The following ACTR3C variants were observed in gnomAD, a reference collection of about 807,000 sequenced individuals.
ACTR3C encodes the protein actin-related protein 3C.
In ACTR3C, 18 loss-of-function variants were observed where a neutral mutation model predicts 26.3. The ratio of observed to expected loss-of-function variants is 0.68; its 90% CI spans 0.47 to 1.01. The LOEUF (loss-of-function observed/expected upper bound fraction) is 1.01. ACTR3C is among the 50% of genes least tolerant of loss of function. ACTR3C has a pLI of 0.00. For synonymous variants in ACTR3C, 55 were observed against 94.5 expected, an observed-to-expected ratio of 0.58 and a Z score of 2.42; for missense variants, 184 against 250.7, an observed-to-expected ratio of 0.73 and a Z score of 1.80.
chr7:149,913,052 T>G, the ACTR3C span, among the ~76,000 whole-genome samples: 6 of 152,280 alleles, frequency 3.9e-5, no homozygotes, highest in East Asian at 1.2e-3. Context: ...AAAATTTTAA[T>G]AAAATCTGCA....
At chr7:149,928,743 TG>T in the ACTR3C span, among the ~76,000 whole-genome samples, 126 of 151,504 alleles carry the variant, frequency 8.3e-4, 1 homozygote, top group Non-Finnish European at 1.7e-3. Flanking sequence ...CTCAGGAGGC[TG>T]GGGCAGGAGA....
chr7:150,034,377 A>G, the ACTR3C span, among the ~76,000 whole-genome samples: 297 of 151,790 alleles, frequency 2.0e-3, 3 homozygotes, highest in African/African-American at 6.7e-3. Flanking sequence ...AGGCTTTGTC[A>G]GATCGGGTAG....
intron 3 of ACTR3C, among the ~76,000 whole-genome samples, chr7:150,292,049 A>G (rs1836309853): frequency 6.7e-6 from 1 of 150,294 alleles, no homozygotes; most frequent in African/African-American, 2.5e-5. Context: ...AGGCATTGGT[A>G]TTAGTACATC....
chr7:150,025,966 G>C, the ACTR3C span, among the ~76,000 whole-genome samples: 1 of 152,130 alleles, frequency 6.6e-6, no homozygotes, highest in African/African-American at 2.4e-5. Context: ...CGCTGACTGC[G>C]AGGCCTTCGG....
chr7:150,107,143 C>T, the ACTR3C span, among the ~76,000 whole-genome samples: 12 of 145,524 alleles, frequency 8.2e-5, no homozygotes, highest in South Asian at 2.3e-3. Context: ...TGGGTTCAAA[C>T]AGTAACCAGC....
the ACTR3C span, among the ~76,000 whole-genome samples, chr7:149,965,510 G>A: frequency 6.8e-6 from 1 of 147,840 alleles, no homozygotes; most frequent in Non-Finnish European, 1.5e-5. Flanking sequence ...AGCAATGAGG[G>A]CCTCTGACAT....
At chr7:150,263,485 CAG>C (rs10659339) in intron 6 of ACTR3C, among the ~76,000 whole-genome samples, 2 of 132,674 alleles carry the variant, frequency 1.5e-5, no homozygotes, top group Non-Finnish European at 3.2e-5. Context: ...GGTAAAGAAA[CAG>C]AGGATTAAGT....
At chr7:149,984,352 C>A in the ACTR3C span, among the ~76,000 whole-genome samples, 1 of 152,008 alleles carries the variant, frequency 6.6e-6, no homozygotes, top group Admixed American at 6.6e-5. Context: ...TACAGGCATG[C>A]GCCACCACAC....
At chr7:150,111,622 TCA>T in the ACTR3C span, among the ~76,000 whole-genome samples, 1 of 99,938 alleles carries the variant, frequency 1.0e-5, no homozygotes, top group East Asian at 2.5e-4. Context: ...ACCCACCCAC[TCA>T]CAGTCACACC....
At chr7:150,168,037 T>A in the ACTR3C span, among the ~76,000 whole-genome samples, 36 of 150,664 alleles carry the variant, frequency 2.4e-4, no homozygotes, top group Non-Finnish European at 4.9e-4. Flanking sequence ...ATTGTGAAGG[T>A]GAAGAATTTT....
At chr7:149,918,096 T>C in the ACTR3C span, among the ~76,000 whole-genome samples, 2 of 152,106 alleles carry the variant, frequency 1.3e-5, no homozygotes, top group African/African-American at 4.8e-5. Flanking sequence ...TATATAAAGT[T>C]CAAACTTAAA....
the ACTR3C span, among the ~76,000 whole-genome samples, chr7:150,108,172 C>A: frequency 2.0e-5 from 3 of 150,190 alleles, no homozygotes; most frequent in African/African-American, 7.4e-5. Context: ...ATGGAGGATG[C>A]AAGTGATGGC....
At chr7:150,207,135 A>G in the ACTR3C span, among the ~76,000 whole-genome samples, 1 of 152,248 alleles carries the variant, frequency 6.6e-6, no homozygotes, top group Non-Finnish European at 1.5e-5. Context: ...TGTTTTTTAC[A>G]CTGACTTTAG....
the ACTR3C span, among the ~76,000 whole-genome samples, chr7:150,087,051 T>C: frequency 1.3e-5 from 2 of 152,168 alleles, no homozygotes; most frequent in African/African-American, 4.8e-5. Context: ...AATTTTACAG[T>C]ATTTTTCTAA....
chr7:150,307,705 T>C (rs1468161464), intron 1 of ACTR3C, among the ~76,000 whole-genome samples: 2 of 152,204 alleles, frequency 1.3e-5, no homozygotes, highest in East Asian at 3.8e-4. Flanking sequence ...CGCTTGACAT[T>C]TGGTGCCATG....
At chr7:150,089,156 T>C in the ACTR3C span, among the ~76,000 whole-genome samples, 7 of 152,214 alleles carry the variant, frequency 4.6e-5, no homozygotes, top group African/African-American at 7.2e-5. Flanking sequence ...AGATTTATTT[T>C]TTAGATCTGA....
chr7:150,020,381 T>C, the ACTR3C span, among the ~76,000 whole-genome samples: 1 of 152,154 alleles, frequency 6.6e-6, no homozygotes, highest in African/African-American at 2.4e-5. Context: ...CAGGATCTTA[T>C]CATACAACTT....
At chr7:150,005,659 G>A in the ACTR3C span, among the ~76,000 whole-genome samples, 1 of 152,010 alleles carries the variant, frequency 6.6e-6, no homozygotes, top group Non-Finnish European at 1.5e-5. Context: ...CCTTTCTTAG[G>A]GACCTTATCC....
At chr7:149,932,190 A>G in the ACTR3C span, among the ~76,000 whole-genome samples, 1 of 152,200 alleles carries the variant, frequency 6.6e-6, no homozygotes, top group Admixed American at 6.5e-5. Context: ...TATAACACGG[A>G]TGAATCTTGA....
Sources: gnomAD v4.1 joint callset for allele counts (sites outside exome capture counted in the v4.1 genomes callset) on GRCh38, gnomAD v4.1.1 for gene constraint, MANE v1.5 for transcripts, NCBI Gene and HGNC (gene_info 2026-07-23, HGNC 2026-07-21) for gene names.